The following SIPA1L3 variants were observed in gnomAD, a reference collection of about 807,000 sequenced individuals.
SIPA1L3 encodes the protein signal induced proliferation associated 1 like 3.
A neutral mutation model predicts 150.1 loss-of-function variants in SIPA1L3; 59 were observed. The ratio of observed to expected loss-of-function variants is 0.39; its 90% CI spans 0.32 to 0.49. The LOEUF is 0.49. Ranked by LOEUF, SIPA1L3 falls within the 20% of genes least tolerant of loss-of-function variation. The probability of loss-of-function intolerance (pLI) is 0.86; values close to 1 mark genes in which losing one functional copy is unlikely to be tolerated. For synonymous variants in SIPA1L3, 1,070 were observed against 1,077.6 expected (o/e 0.99, Z 0.14); for missense variants, 2,211 against 2,489.5 (o/e 0.89, Z 2.38).
intron 4 of SIPA1L3, among the ~76,000 whole-genome samples, chr19:38,092,643 C>T (rs1017252581): frequency 6.6e-6 from 1 of 152,186 alleles, no homozygotes; most frequent in African/African-American, 2.4e-5. Context: ...ATTCCACAGA[C>T]ATTTGCTCAG....
chr19:37,976,005 T>C (rs1211606327), intron 1 of SIPA1L3, among the ~76,000 whole-genome samples: 1 of 150,934 alleles, frequency 6.6e-6, no homozygotes, highest in African/African-American at 2.5e-5. Context: ...CTTGGGAGGC[T>C]GAGGCACGAG....
intron 2 of SIPA1L3, among the ~76,000 whole-genome samples, chr19:38,061,837 G>A (rs1376511509): frequency 1.3e-5 from 2 of 150,656 alleles, no homozygotes; most frequent in African/African-American, 4.9e-5. Flanking sequence ...TATCTAGTTG[G>A]CTGGCTAATT....
intron 9 of SIPA1L3, among the ~76,000 whole-genome samples, chr19:38,124,082 C>T (rs569675332): frequency 0.077 from 11,114 of 144,928 alleles, 1,164 homozygotes; most frequent in African/African-American, 0.24. Context: ...CCGGACGGGG[C>T]GGCTGGCCGG....
chr19:38,165,808 C>T (rs976821865), intron 15 of SIPA1L3, among the ~76,000 whole-genome samples: 1 of 152,156 alleles, frequency 6.6e-6, no homozygotes, highest in East Asian at 1.9e-4. Flanking sequence ...ATTCACCAGG[C>T]CGGAGTGCAG....
intron 10 of SIPA1L3, among the ~76,000 whole-genome samples, chr19:38,136,186 A>AAT (rs1971431863): frequency 1.4e-5 from 2 of 147,260 alleles, no homozygotes; most frequent in African/African-American, 5.0e-5. Flanking sequence ...ACTGTCTCAA[A>AAT]AAAAAAAAAA....
At chr19:38,138,135 A>T (rs1290803488) in intron 10 of SIPA1L3, among the ~76,000 whole-genome samples, 4 of 131,842 alleles carry the variant, frequency 3.0e-5, no homozygotes, top group African/African-American at 7.6e-5. Context: ...TGTCTCAAAT[A>T]AAAAAAAAAA....
rs1276070646 is a variant in SIPA1L3, at chr19:38,119,895, G to T, written c.2868+13G>T. On this transcript the variant is annotated intron_variant, in intron 9 of 21. Transcript: ENST00000222345. ...GCAGAGACTGAAGGTAAGGGAGAGA[G>T]CCCGGCGATAGGGCGGCGATTTGTA... 1 of 1,581,246 alleles carries T rather than the reference G, an allele frequency of 6.3e-7. No individual in the cohort carries two copies. Among genetic ancestry groups the T allele is most frequent in the Admixed American group, 1.8e-5 (1 of 56,882 alleles).
chr19:37,922,751 G>A (rs1010049240), intron 1 of SIPA1L3, among the ~76,000 whole-genome samples: 5 of 152,044 alleles, frequency 3.3e-5, no homozygotes, highest in South Asian at 4.2e-4. Context: ...ATACCAGGGT[G>A]CAGCCATGAG....
At position 38,193,612 on chromosome 19, in the gene SIPA1L3, G is replaced by T. The variant is rs375056658; in HGVS notation, c.4672G>T (p.Ala1558Ser). The change falls in exon 18 of 22, where the codon GCC (alanine) becomes TCC (serine). Residue 1558 changes from alanine (A) to serine (S), a missense_variant. Physicochemically the swap from Ala to Ser is moderately conservative, Grantham distance 99. Around this residue, in one of 5 missense-constraint regions of SIPA1L3, gnomAD observed 806 missense variants for 870.1 expected, o/e 0.93. Transcript: ENST00000222345. ...CAGCGGGCGCCGGGAGCCCAGCTTCGCCAGCCCCGCTGGCCTAGAGCCAGG... is the reference window on the plus strand; with the variant it reads ...CAGCGGGCGCCGGGAGCCCAGCTTCTCCAGCCCCGCTGGCCTAGAGCCAGG... ...LCSGRREPSF[A>S]SPAGLEPGLP... The T allele has an allele frequency of 3.8e-6, 6 of 1,564,054 alleles. No individual in the cohort carries two copies. In the South Asian group the frequency reaches 5.8e-5, roughly 15 times the overall value.
intron 1 of SIPA1L3, among the ~76,000 whole-genome samples, chr19:37,993,565 T>C (rs1330172211): frequency 1.3e-5 from 2 of 152,192 alleles, no homozygotes; most frequent in Admixed American, 1.3e-4. Flanking sequence ...TAAACCATCC[T>C]AGAAAGCATC....
intron 1 of SIPA1L3, among the ~76,000 whole-genome samples, chr19:37,997,192 G>A (rs938785107): frequency 1.3e-5 from 2 of 152,160 alleles, no homozygotes; most frequent in Non-Finnish European, 2.9e-5. Context: ...TGTCTGAAAA[G>A]TGGGACTAAT....
intron 18 of SIPA1L3, among the ~76,000 whole-genome samples, chr19:38,193,981 G>A (rs1327651809): frequency 1.3e-5 from 2 of 152,096 alleles, no homozygotes; most frequent in Non-Finnish European, 2.9e-5. Context: ...AGGGATCATT[G>A]GCCAAGCATC....
chr19:38,157,597 G>A (rs1174588618), intron 13 of SIPA1L3, among the ~76,000 whole-genome samples: 1 of 152,144 alleles, frequency 6.6e-6, no homozygotes, highest in African/African-American at 2.4e-5. Context: ...ACTGTGCCTG[G>A]CCCAGGGTTT....
chr19:37,988,447 G>A (rs1192461463), intron 1 of SIPA1L3, among the ~76,000 whole-genome samples: 1 of 152,282 alleles, frequency 6.6e-6, no homozygotes, highest in East Asian at 1.9e-4. Flanking sequence ...AGGCCGAGGC[G>A]GGTGGATCAC....
At chr19:37,925,520 G>C (rs1348626227) in intron 1 of SIPA1L3, among the ~76,000 whole-genome samples, 2 of 152,064 alleles carry the variant, frequency 1.3e-5, no homozygotes, top group Non-Finnish European at 2.9e-5. Flanking sequence ...AGATCTCTTA[G>C]GGTCCTGCAC....
In SIPA1L3 at chr19:37,990,398, C is replaced by T. The variant is rs1967473444; in HGVS notation, c.-378-38691C>T. 2.0e-5 allele frequency among the ~76,000 whole-genome samples: 3 copies of T among 152,216 alleles called. No individual in the cohort carries two copies. In the South Asian group the frequency reaches 6.2e-4, roughly 31 times the overall value. On this transcript the variant is annotated intron_variant, in intron 1 of 21. Coordinates refer to ENST00000222345, the MANE Select transcript of SIPA1L3 (RefSeq NM_015073.3). ...CTACCTTGAGCCTATGGGAGGAAAG[C>T]AGCCAGTGAGACAGGCGGGGTCGTG... is the stretch of plus-strand genomic sequence containing the variant.
intron 15 of SIPA1L3, among the ~76,000 whole-genome samples, chr19:38,178,734 C>A (rs1972498987): frequency 6.6e-6 from 1 of 152,104 alleles, no homozygotes; most frequent in Non-Finnish European, 1.5e-5. Context: ...TCTTGGCCTC[C>A]CAAAGTGCCG....
Position 38,119,744 on chromosome 19 carries a change from C to T in SIPA1L3, c.2730C>T (p.Asn910=), listed in dbSNP as rs752587267. ...TACGCACCAAGGAGGTGGTGTTCAA[C>T]TGCTACTGCGGGGATGTCATTGGCT... ...LDLRTKEVVF[N]CYCGDVIGWT... The change falls in exon 9 of 22, where the codon AAC becomes AAT. Residue 910 remains asparagine, a synonymous_variant. Transcript: ENST00000222345. The T allele has an allele frequency of 1.9e-6, 3 of 1,614,032 alleles. No individual in the cohort carries two copies. The highest frequency in any genetic ancestry group is 2.7e-5 in the African/African-American group (2 of 74,930).
At chr19:38,014,281 G>C (rs1968175952) in intron 1 of SIPA1L3, among the ~76,000 whole-genome samples, 2 of 152,224 alleles carry the variant, frequency 1.3e-5, no homozygotes, top group Admixed American at 6.5e-5. Context: ...GACCATGGCA[G>C]GCAATCTGAC....
Sources: gnomAD v4.1 joint callset for allele counts (sites outside exome capture counted in the v4.1 genomes callset) on GRCh38, gnomAD v4.1.1 for gene constraint, gnomAD v4.1.1 regional missense constraint, MANE v1.5 for transcripts, NCBI Gene and HGNC (gene_info 2026-07-23, HGNC 2026-07-21) for gene names.